The following ASTN1 variants were observed in gnomAD, a reference collection of about 807,000 sequenced individuals.
The protein encoded by ASTN1 is astrotactin-1.
Under a neutral mutation model 140.7 loss-of-function variants are expected in ASTN1, and 41 were observed. The observed-to-expected ratio is 0.29, with a 90% CI of 0.23 to 0.38. ASTN1 has a LOEUF of 0.38. Among genes scored for constraint, ASTN1 ranks in the 10% least tolerant of loss-of-function variants. ASTN1 has a pLI of 1.00. For synonymous variants in ASTN1, 640 were observed against 652.2 expected (o/e 0.98, Z 0.29); for missense variants, 1,479 against 1,678.8 (o/e 0.88, Z 2.08).
chr1:177,130,125 A>T (rs1681873745), intron 1 of ASTN1, among the ~76,000 whole-genome samples: 1 of 152,326 alleles, frequency 6.6e-6, no homozygotes, highest in East Asian at 1.9e-4. Context: ...GCTAAACCTT[A>T]CTTTGTAAAC....
At chr1:176,915,015 C>T (rs973661734) in intron 16 of ASTN1, among the ~76,000 whole-genome samples, 6 of 152,126 alleles carry the variant, frequency 3.9e-5, no homozygotes, top group African/African-American at 1.4e-4. Context: ...TTTTCATGCT[C>T]TGATGTAATG....
chr1:177,090,364 C>T (rs1350075276), intron 1 of ASTN1, among the ~76,000 whole-genome samples: 1 of 152,026 alleles, frequency 6.6e-6, no homozygotes, highest in African/African-American at 2.4e-5. Flanking sequence ...AACATTATAT[C>T]ATTTAATCCT....
At chr1:176,882,286 C>A (rs1362453426) in intron 20 of ASTN1, among the ~76,000 whole-genome samples, 1 of 152,202 alleles carries the variant, frequency 6.6e-6, no homozygotes, top group African/African-American at 2.4e-5. Context: ...GTATTCTATG[C>A]CTTTCCTCAA....
chr1:177,012,808 C>A lies in ASTN1; in HGVS notation c.1523+1983G>T, dbSNP rs79726301. On this transcript the variant is annotated intron_variant, in intron 8 of 22. Transcript: ENST00000361833. ...TAACCACCAAATCCAGTCACTACAG[C>A]GAGCCAGCCTGGATCACTCAGGGCA... Among the ~76,000 whole-genome samples, 465 of 152,276 alleles carry A rather than the reference C, an allele frequency of 3.1e-3. 2 individuals carry two copies. Among genetic ancestry groups the A allele is most frequent in the African/African-American group, 9.8e-3 (406 of 41,552 alleles).
In ASTN1 at chr1:176,957,729, A is replaced by T. The variant is rs369579108; in HGVS notation, c.1836T>A (p.Ser612Arg). The T allele has an allele frequency of 3.1e-6, 5 of 1,614,068 alleles. 1 individual carries two copies. The African/African-American group carries it at 6.7e-5, about 22-fold the overall frequency. ...GATCTGAAATACAGCGGAAATTCTT[A>T]CTGCAGCCCCCGTTATCTTTGCTGC... ...RDCSKDNGGC[S>R]KNFRCISDRK... Residue 612 changes from serine to arginine, a missense_variant, in exon 11 of 23, where the codon AGT (serine) becomes AGA (arginine). This residue lies in a region of ASTN1 where 729 missense variants were observed against 860.4 expected (regional missense o/e 0.85). Coordinates refer to ENST00000361833, the MANE Select transcript of ASTN1 (RefSeq NM_004319.3).
In ASTN1 at chr1:177,105,514, G is replaced by C. The variant is rs557241018; in HGVS notation, c.284-44249C>G. On this transcript the variant is annotated intron_variant, in intron 1 of 22. Coordinates refer to ENST00000361833, the MANE Select transcript of ASTN1 (RefSeq NM_004319.3). ...TCCAGATAGATGCTTATGAAGCTGA[G>C]AGCACAATTTGGAAATGTTCTGTGG... Among the ~76,000 whole-genome samples the C allele has an allele frequency of 2.4e-4, 36 of 152,054 alleles. No individual in the cohort carries two copies. The South Asian group carries it at 4.4e-3, about 18-fold the overall frequency.
At chr1:177,088,313 A>G (rs181484054) in intron 1 of ASTN1, among the ~76,000 whole-genome samples, 4 of 152,276 alleles carry the variant, frequency 2.6e-5, no homozygotes, top group African/African-American at 9.6e-5. Flanking sequence ...CCAGAGTTGA[A>G]TAATATTCAC....
intron 8 of ASTN1, among the ~76,000 whole-genome samples, chr1:176,967,751 T>C (rs1027289498): frequency 6.6e-6 from 1 of 152,198 alleles, no homozygotes; most frequent in African/African-American, 2.4e-5. Flanking sequence ...TAAGCACACA[T>C]CCACTGTTGC....
chr1:176,908,483 A>G (rs771103646), intron 16 of ASTN1, among the ~76,000 whole-genome samples: 8 of 152,186 alleles, frequency 5.3e-5, no homozygotes, highest in Non-Finnish European at 1.5e-5. Context: ...AGGCTATAGC[A>G]TATCATATCC....
intron 20 of ASTN1, among the ~76,000 whole-genome samples, chr1:176,877,876 T>C (rs1231650417): frequency 3.3e-5 from 5 of 152,162 alleles, no homozygotes; most frequent in Admixed American, 3.3e-4. Flanking sequence ...AAATGTCAGC[T>C]TGGCATGGAA....
intron 17 of ASTN1, among the ~76,000 whole-genome samples, chr1:176,893,262 C>A (rs1437798142): frequency 6.6e-6 from 1 of 152,094 alleles, no homozygotes; most frequent in Non-Finnish European, 1.5e-5. Flanking sequence ...GCAGCAGCAG[C>A]CTTGAGACAA....
At chr1:177,046,131 C>T (rs1286479391) in intron 2 of ASTN1, among the ~76,000 whole-genome samples, 5 of 152,078 alleles carry the variant, frequency 3.3e-5, no homozygotes, top group African/African-American at 4.8e-5. Context: ...TTTCTGCCAC[C>T]ACACCATGAG....
Position 176,876,585 on chromosome 1 carries a change from C to T in ASTN1, c.3415G>A (p.Val1139Met), listed in dbSNP as rs138978807. 1.3e-4 allele frequency: 209 copies of T among 1,614,072 alleles called. No homozygotes were observed. The highest frequency in any genetic ancestry group is 3.3e-4 in the Middle Eastern group (2 of 6,084). ...NTGRRSRPSD[V>M]IVKTPCPVVD... ...ACGGGGCATGGGGTCTTCACGATCACGTCGCTTGGCCTGGAGCGCCGTCCT... is the reference window on the plus strand; with the variant it reads ...ACGGGGCATGGGGTCTTCACGATCATGTCGCTTGGCCTGGAGCGCCGTCCT... The change falls in exon 21 of 23, where the codon GTG becomes ATG. Residue 1139 changes from valine (V) to methionine (M), a missense_variant. By Grantham distance (21) the Val-to-Met change is conservative (BLOSUM62 1). Coordinates refer to ENST00000361833, the MANE Select transcript of ASTN1 (RefSeq NM_004319.3).
At chr1:176,926,490 G>A (rs566820370) in intron 16 of ASTN1, among the ~76,000 whole-genome samples, 3 of 152,258 alleles carry the variant, frequency 2.0e-5, no homozygotes, top group African/African-American at 4.8e-5. Context: ...AGTGGGCTTC[G>A]CTGTGGCAGC....
At chr1:176,874,141 G>A (rs1668467704) in intron 21 of ASTN1, among the ~76,000 whole-genome samples, 1 of 152,164 alleles carries the variant, frequency 6.6e-6, no homozygotes, top group African/African-American at 2.4e-5. Context: ...AGGAATAGCA[G>A]AGGCACCTTC....
Position 177,111,654 on chromosome 1 carries a change from G to C in ASTN1, c.284-50389C>G, listed in dbSNP as rs146156653. 5.6e-4 allele frequency among the ~76,000 whole-genome samples: 86 copies of C among 152,284 alleles called. 2 individuals are homozygous for C. In the East Asian group the frequency reaches 0.015, roughly 26 times the overall value. On this transcript the variant is annotated intron_variant, in intron 1 of 22. Transcript: ENST00000361833. ...TGAGATGATAATCTCTGATAGAGCT[G>C]ATAAGATATAGAGTTGGAACACACA...
chr1:176,943,870 A>G, intron 14 of ASTN1, 21 bp downstream of exon 14: 1 of 1,563,780 alleles, frequency 6.4e-7, no homozygotes, highest in Non-Finnish European at 8.7e-7. Flanking sequence ...CAGTTGAATA[A>G]GGTTGAGAAG....
At chr1:177,102,567 C>A (rs2102133468) in intron 1 of ASTN1, among the ~76,000 whole-genome samples, 1 of 152,272 alleles carries the variant, frequency 6.6e-6, no homozygotes, top group Non-Finnish European at 1.5e-5. Flanking sequence ...AAAAACACAA[C>A]CACCATCTTT....
chr1:177,162,043 G>A (rs1466057438), intron 1 of ASTN1, among the ~76,000 whole-genome samples: 1 of 152,138 alleles, frequency 6.6e-6, no homozygotes, highest in Non-Finnish European at 1.5e-5. Flanking sequence ...AGAATTGACT[G>A]ATTCAGATTC....
Sources: allele counts gnomAD v4.1 joint callset (sites outside exome capture counted in the v4.1 genomes callset), GRCh38; gene constraint gnomAD v4.1.1; regional missense constraint gnomAD v4.1.1; transcripts MANE v1.5; gene names NCBI Gene and HGNC (gene_info 2026-07-23, HGNC 2026-07-21).